RAPGEF5: variants seen among roughly 807,000 people sequenced by gnomAD.
RAPGEF5 encodes Rap guanine nucleotide exchange factor 5.
Under a neutral mutation model 125.2 loss-of-function variants are expected in RAPGEF5, and 65 were observed. The observed-to-expected ratio is 0.52, with a 90% CI of 0.43 to 0.64. The LOEUF (loss-of-function observed/expected upper bound fraction) is 0.64, where lower values mean the gene tolerates loss of function less well. Among genes scored for constraint, RAPGEF5 ranks in the 30% least tolerant of loss-of-function variants. The probability of loss-of-function intolerance (pLI) is 0.00; values close to 1 mark genes in which losing one functional copy is unlikely to be tolerated. For synonymous variants in RAPGEF5, 391 were observed against 385.9 expected (o/e 1.01, Z -0.16); for missense variants, 958 against 1,048.1 (o/e 0.91, Z 1.19).
intron 25 of RAPGEF5, 93 bp downstream of exon 25, chr7:22,125,510 AT>A: frequency 4.2e-6 from 5 of 1,199,064 alleles, no homozygotes; most frequent in Non-Finnish European, 6.2e-6. Flanking sequence ...ATACTTTTCA[AT>A]CTGTTTAAAT....
At chr7:22,148,054 G>A (rs1783500675) in intron 18 of RAPGEF5, among the ~76,000 whole-genome samples, 1 of 152,154 alleles carries the variant, frequency 6.6e-6, no homozygotes, top group Non-Finnish European at 1.5e-5. Flanking sequence ...GGTCCACTTT[G>A]TCTCTGTATC....
chr7:22,235,912 G>GA (rs572455138), intron 7 of RAPGEF5, among the ~76,000 whole-genome samples: 232 of 152,128 alleles, frequency 1.5e-3, no homozygotes, highest in Non-Finnish European at 2.7e-3. Flanking sequence ...TAAAAAGGAA[G>GA]AAAAAAGGTA....
chr7:22,316,416 TAC>T (rs1276410133), intron 2 of RAPGEF5, among the ~76,000 whole-genome samples: 4 of 145,628 alleles, frequency 2.7e-5, no homozygotes, highest in Non-Finnish European at 3.0e-5. Flanking sequence ...TATATATACA[TAC>T]ACACACATAT....
At chr7:22,309,172 G>C (rs868717854) in intron 4 of RAPGEF5, among the ~76,000 whole-genome samples, 1 of 152,200 alleles carries the variant, frequency 6.6e-6, no homozygotes, top group Non-Finnish European at 1.5e-5. Flanking sequence ...CTAACCAAAA[G>C]CCTGAAACTA....
chr7:22,264,164 T>C (rs1782226705), intron 7 of RAPGEF5, among the ~76,000 whole-genome samples: 1 of 152,180 alleles, frequency 6.6e-6, no homozygotes, highest in African/African-American at 2.4e-5. Context: ...ATGCAACAGA[T>C]ATTCTTCTAT....
chr7:22,329,159 CAACA>C (rs1266144994), intron 1 of RAPGEF5, among the ~76,000 whole-genome samples: 1 of 152,096 alleles, frequency 6.6e-6, no homozygotes, highest in African/African-American at 2.4e-5. Flanking sequence ...TTTTAAACAC[CAACA>C]ACTGCACTCT....
intron 6 of RAPGEF5, among the ~76,000 whole-genome samples, chr7:22,274,051 TCCATGGCATC>T (rs1444834012): frequency 1.3e-5 from 2 of 152,166 alleles, no homozygotes; most frequent in Non-Finnish European, 2.9e-5. Flanking sequence ...CCATTGGGAT[TCCATGGCATC>T]CCATGCTCCA....
intron 9 of RAPGEF5, among the ~76,000 whole-genome samples, chr7:22,216,560 A>C (rs1249864327): frequency 2.6e-5 from 4 of 152,224 alleles, no homozygotes; most frequent in Non-Finnish European, 4.4e-5. Flanking sequence ...CTGTTGGCAC[A>C]GTCACAGAAT....
At chr7:22,204,806 T>A (rs913738758) in intron 9 of RAPGEF5, among the ~76,000 whole-genome samples, 2 of 152,084 alleles carry the variant, frequency 1.3e-5, no homozygotes, top group African/African-American at 2.4e-5. Flanking sequence ...AAAAATAGGT[T>A]AAGAGAATGT....
At chr7:22,149,132 C>T (rs947713651) in intron 18 of RAPGEF5, among the ~76,000 whole-genome samples, 4 of 152,146 alleles carry the variant, frequency 2.6e-5, no homozygotes, top group African/African-American at 9.7e-5. Context: ...GTTACTCAGC[C>T]TCTCTCGTGG....
intron 8 of RAPGEF5, chr7:22,220,202 T>A: frequency 1.8e-6 from 1 of 557,754 alleles, no homozygotes; most frequent in Non-Finnish European, 3.1e-6. Flanking sequence ...AGTCTGCGTA[T>A]CACCCTACTT....
At chr7:22,153,738 C>T (rs1268535701) in intron 17 of RAPGEF5, among the ~76,000 whole-genome samples, 1 of 152,134 alleles carries the variant, frequency 6.6e-6, no homozygotes, top group Non-Finnish European at 1.5e-5. Context: ...TGCTAAGTCA[C>T]TTTCTTTGTA....
chr7:22,302,056 C>T (rs1213200786), intron 5 of RAPGEF5, among the ~76,000 whole-genome samples: 2 of 152,162 alleles, frequency 1.3e-5, no homozygotes, highest in Non-Finnish European at 2.9e-5. Context: ...GTAAGTAAGT[C>T]GCTCCACAGA....
intron 11 of RAPGEF5, chr7:22,191,657 AGAAT>A (rs2128125357): frequency 2.1e-6 from 1 of 471,136 alleles, no homozygotes; most frequent in East Asian, 6.9e-5. Flanking sequence ...GAAGAAAGCA[AGAAT>A]AAGTCACTAG....
At chr7:22,268,822 G>T (rs1184502295) in intron 6 of RAPGEF5, among the ~76,000 whole-genome samples, 1 of 152,126 alleles carries the variant, frequency 6.6e-6, no homozygotes, top group African/African-American at 2.4e-5. Flanking sequence ...ATTAGAAAAT[G>T]ATGCCCAAAA....
chr7:22,326,926 G>C (rs1783825822), intron 1 of RAPGEF5, among the ~76,000 whole-genome samples: 1 of 152,150 alleles, frequency 6.6e-6, no homozygotes, highest in African/African-American at 2.4e-5. Context: ...GCAGGTAATG[G>C]ATAGGTTCGT....
At chr7:22,213,060 A>G (rs1785547231) in intron 9 of RAPGEF5, among the ~76,000 whole-genome samples, 1 of 152,348 alleles carries the variant, frequency 6.6e-6, no homozygotes, top group South Asian at 2.1e-4. Context: ...GCCAGTATCA[A>G]TGTTCTTGAT....
chr7:22,346,139 A>T (rs1784220583), intron 1 of RAPGEF5, among the ~76,000 whole-genome samples: 1 of 152,194 alleles, frequency 6.6e-6, no homozygotes, highest in Non-Finnish European at 1.5e-5. Flanking sequence ...CCAGACAAGG[A>T]ACAAGAAATA....
chr7:22,321,215 G>A (rs1783709314), intron 1 of RAPGEF5, among the ~76,000 whole-genome samples: 1 of 151,720 alleles, frequency 6.6e-6, no homozygotes, highest in Non-Finnish European at 1.5e-5. Flanking sequence ...TGTAAACTAG[G>A]AAATTGCAAT....
Sources: allele counts gnomAD v4.1 joint callset (sites outside exome capture counted in the v4.1 genomes callset), GRCh38; gene constraint gnomAD v4.1.1; transcripts MANE v1.5; gene names NCBI Gene and HGNC (gene_info 2026-07-23, HGNC 2026-07-21).